PAWR: variants seen among roughly 807,000 people sequenced by gnomAD.
PAWR encodes PRKC apoptosis WT1 regulator protein.
PAWR carries 23 observed loss-of-function variants against 32.0 expected under a neutral mutation model. The observed-to-expected ratio is 0.72, with a 90% CI of 0.52 to 1.02. The LOEUF is 1.02. Among genes scored for constraint, PAWR ranks in the 50% least tolerant of loss-of-function variants. The pLI is 0.00. For synonymous variants in PAWR, 226 were observed against 187.1 expected, an observed-to-expected ratio of 1.21 and a Z score of -1.70; for missense variants, 457 against 437.7, an observed-to-expected ratio of 1.04 and a Z score of -0.39.
At chr12:79,683,229 AC>A (rs1878526814) in intron 2 of PAWR, among the ~76,000 whole-genome samples, 3 of 152,232 alleles carry the variant, frequency 2.0e-5, no homozygotes, top group Admixed American at 2.0e-4. Flanking sequence ...AAAATGTTTA[AC>A]AACCTCATAG....
At chr12:79,684,770 TA>T (rs1878604195) in intron 2 of PAWR, among the ~76,000 whole-genome samples, 1 of 152,254 alleles carries the variant, frequency 6.6e-6, no homozygotes, top group Admixed American at 6.5e-5. Context: ...CTATGTTCTA[TA>T]AATAGGGCTA....
At chr12:79,669,455 T>C (rs887577403) in intron 2 of PAWR, among the ~76,000 whole-genome samples, 1 of 152,126 alleles carries the variant, frequency 6.6e-6, no homozygotes, top group Non-Finnish European at 1.5e-5. Flanking sequence ...ACATATGATT[T>C]TCGTATCTGC....
At position 79,587,812 on chromosome 12, in the gene PAWR, T is replaced by A. The variant is rs200189527; in HGVS notation, c.*4795A>T. On this transcript the variant is annotated 3_prime_UTR_variant, in exon 7 of 7. Transcript: ENST00000328827. The stretch of plus-strand genomic sequence containing the variant: ...ACTGTTGAAAAATAAATGAAAAAAA[T>A]TTTATTGAGTATTACTTTATACATG... 1.3e-5 allele frequency: 2 copies of A among 151,882 alleles called. No individual in the cohort carries two copies. Among genetic ancestry groups the A allele is most frequent in the East Asian group, 1.9e-4 (1 of 5,200 alleles). The allele number at this position is 151,882 out of a possible 1,614,324, so 9.4% of individuals were successfully genotyped here. A position where few individuals can be genotyped will look rare whatever the true frequency, so the allele number is the denominator to read the frequency against.
At chr12:79,622,801 A>T (rs1016081378) in intron 2 of PAWR, among the ~76,000 whole-genome samples, 1 of 152,166 alleles carries the variant, frequency 6.6e-6, no homozygotes, top group Non-Finnish European at 1.5e-5. Context: ...CTGAGTCTAA[A>T]CTGTTCTTGA....
At chr12:79,604,611 C>T (rs984879229) in intron 4 of PAWR, 16 of 1,282,002 alleles carry the variant, frequency 1.2e-5, no homozygotes, top group East Asian at 5.6e-5. Context: ...CCAACAACTA[C>T]TTAACTGGCT....
chr12:79,591,314 TG>T lies in PAWR; in HGVS notation c.*1292del, dbSNP rs1013488831. 1.3e-5 allele frequency: 2 copies of T among 152,190 alleles called. No individual in the cohort carries two copies. The highest frequency in any genetic ancestry group is 2.9e-5 in the Non-Finnish European group (2 of 68,030). 9.4% of individuals were successfully genotyped at this position (152,190 alleles called of 1,614,324 possible). On this transcript the variant is annotated 3_prime_UTR_variant, in exon 7 of 7. Transcript: ENST00000328827. ...TCTAACAGTGAACAATAAAAGGGCT[TG>T]GCAAGTGAAGGAAAAAGTCAGTAGA...
rs769199838 is a variant in PAWR, at chr12:79,621,132, T to C, written c.592A>G (p.Thr198Ala). ...AAGTTTACAGCTTCATTCTGAATAG[T>C]GTTCTGTTGTGTAATTGCATCTTCT... ...KREDAITQQN[T>A]IQNEAVNLLD... The change falls in exon 3 of 7, where the codon ACT (threonine) becomes GCT (alanine). Residue 198 changes from threonine (T) to alanine (A), a missense_variant. Physicochemically the swap from Thr to Ala is moderately conservative, Grantham distance 58. Coordinates refer to ENST00000328827, the MANE Select transcript of PAWR (RefSeq NM_002583.4). 2.5e-6 allele frequency: 4 copies of C among 1,607,954 alleles called. No homozygotes were observed. In the Admixed American group the frequency reaches 5.0e-5, roughly 20 times the overall value.
chr12:79,585,007 T>A lies in PAWR; in HGVS notation c.*7600A>T, dbSNP rs560812506. On this transcript the variant is annotated 3_prime_UTR_variant, in exon 7 of 7. Coordinates refer to ENST00000328827, the MANE Select transcript of PAWR (RefSeq NM_002583.4). The stretch of plus-strand genomic sequence containing the variant: ...TTAACACAGACAAACAATGATTTTA[T>A]TCCATAGTCTCTTGGACTTGAGAAT... 1.4e-4 allele frequency: 40 copies of A among 276,638 alleles called. No individual in the cohort carries two copies. The highest frequency in any genetic ancestry group is 1.2e-3 in the South Asian group (34 of 29,158). The allele number at this position is 276,638 out of a possible 1,614,324, so 17.1% of individuals were successfully genotyped here.
chr12:79,588,886 T>C lies in PAWR; in HGVS notation c.*3721A>G, dbSNP rs368856260. On this transcript the variant is annotated 3_prime_UTR_variant, in exon 7 of 7. Coordinates refer to ENST00000328827, the MANE Select transcript of PAWR (RefSeq NM_002583.4). ...CTGGGAAACAATCAACTTCCATATA[T>C]CCAGGAGAAACTTAGCATGGGGGGA... 6.6e-6 allele frequency: 1 copy of C among 151,954 alleles called. No homozygotes were observed. The highest frequency in any genetic ancestry group is 1.5e-5 in the Non-Finnish European group (1 of 67,870). 9.4% of individuals were successfully genotyped at this position (151,954 alleles called of 1,614,324 possible).
At position 79,689,835 on chromosome 12, in the gene PAWR, C is replaced by G. The variant is rs8176806; in HGVS notation, c.410G>C (p.Gly137Ala). 2.3e-5 allele frequency: 36 copies of G among 1,592,742 alleles called. 1 individual carries two copies. Among genetic ancestry groups the G allele is most frequent in the Admixed American group, 1.0e-4 (6 of 58,022 alleles). The stretch of plus-strand genomic sequence containing the variant: ...CCTGGCACTGGGGCCCGAGCTCTTG[C>G]CCTTCTCTGGGACGCCGTCCGGCTC... ...EEEPDGVPEK[G>A]KSSGPSARKG... is the part of the protein sequence containing the mutation. The change falls in exon 2 of 7, where the codon GGC (glycine) becomes GCC (alanine). Residue 137 changes from glycine (G) to alanine (A), a missense_variant. Transcript: ENST00000328827.
At chr12:79,605,013 G>T (rs1874112951) in intron 4 of PAWR, among the ~76,000 whole-genome samples, 1 of 151,836 alleles carries the variant, frequency 6.6e-6, no homozygotes, top group South Asian at 2.1e-4. Flanking sequence ...CTTTTACAAA[G>T]AATTCTGGCA....
rs950058134 is a variant in PAWR, at chr12:79,590,063, G to T, written c.*2544C>A. Reference sequence around the variant, plus strand: ...AAGTACATATTTTGAGATGGAAGAAGGACTGCATGTGAAATGCTTTGCCTA... The same window carrying T: ...AAGTACATATTTTGAGATGGAAGAATGACTGCATGTGAAATGCTTTGCCTA... On this transcript the variant is annotated 3_prime_UTR_variant, in exon 7 of 7. Coordinates refer to ENST00000328827, the MANE Select transcript of PAWR (RefSeq NM_002583.4). 2 of 152,072 alleles carry T rather than the reference G, an allele frequency of 1.3e-5. No individual in the cohort carries two copies. The highest frequency in any genetic ancestry group is 4.8e-5 in the African/African-American group (2 of 41,396). The allele number at this position is 152,072 out of a possible 1,614,324, so 9.4% of individuals were successfully genotyped here.
Position 79,592,447 on chromosome 12 carries a change from G to A in PAWR, c.*160C>T. On this transcript the variant is annotated 3_prime_UTR_variant, in exon 7 of 7. Coordinates refer to ENST00000328827, the MANE Select transcript of PAWR (RefSeq NM_002583.4). ...ATAATGCTTTTTTAAAACCAATAAT[G>A]AAAAAGAAGTATTTTGAAAACAAAC... is the stretch of plus-strand genomic sequence containing the variant. The A allele has an allele frequency of 2.0e-6, 1 of 508,366 alleles. No homozygotes were observed. The highest frequency in any genetic ancestry group is 3.4e-6 in the Non-Finnish European group (1 of 293,802). 31.5% of individuals were successfully genotyped at this position (508,366 alleles called of 1,614,324 possible). A position where few individuals can be genotyped will look rare whatever the true frequency, so the allele number is the denominator to read the frequency against.
At chr12:79,594,557 C>G in intron 5 of PAWR, 124 bp from the exon 6 acceptor site, 1 of 584,756 alleles carries the variant, frequency 1.7e-6, no homozygotes, top group South Asian at 2.1e-5. Context: ...CAATGAATCC[C>G]TTAAGACATT....
At chr12:79,626,714 A>AT (rs902230775) in intron 2 of PAWR, among the ~76,000 whole-genome samples, 31 of 151,578 alleles carry the variant, frequency 2.0e-4, no homozygotes, top group African/African-American at 7.5e-4. Context: ...AACATTAGGT[A>AT]TATCTCCTAA....
chr12:79,610,090 A>G (rs1051781058), intron 4 of PAWR, among the ~76,000 whole-genome samples: 41 of 152,112 alleles, frequency 2.7e-4, no homozygotes, highest in African/African-American at 8.9e-4. Flanking sequence ...CTGCCACACC[A>G]AAGTGCCTGG....
At chr12:79,605,178 A>G (rs1411809328) in intron 4 of PAWR, among the ~76,000 whole-genome samples, 1 of 152,128 alleles carries the variant, frequency 6.6e-6, no homozygotes, top group East Asian at 1.9e-4. Flanking sequence ...CTGCATTATA[A>G]CTGTTTATAG....
In PAWR at chr12:79,632,326, TATATATATATATATATATATATATATA is replaced by T. The variant is rs1875702777; in HGVS notation, c.517-11146_517-11120del. On this transcript the variant is annotated intron_variant, in intron 2 of 6. Coordinates refer to ENST00000328827, the MANE Select transcript of PAWR (RefSeq NM_002583.4). ...ATATATACATACATATATATATATA[TATATATATATATATATATATATATATA>T]TATATATATTTTTTTTTTTTTTTAG... is the stretch of plus-strand genomic sequence containing the variant. Among the ~76,000 whole-genome samples, 3 of 33,320 alleles carry T rather than the reference TATATATATATATATATATATATATATA, an allele frequency of 9.0e-5. No homozygotes were observed. In the African/African-American group the frequency reaches 1.1e-3, roughly 12 times the overall value. 21.9% of individuals were successfully genotyped at this position (33,320 alleles called of 152,430 possible).
chr12:79,681,392 T>C lies in PAWR; in HGVS notation c.516+8337A>G, dbSNP rs563095010. Among the ~76,000 whole-genome samples, 12 of 152,168 alleles carry C rather than the reference T, an allele frequency of 7.9e-5. No homozygotes were observed. The South Asian group carries it at 2.1e-3, about 26-fold the overall frequency. ...AGAGGATCACTTGAGCCCAGGAGTT[T>C]GAGGCTGAGTCATCACACCATAGTA... On this transcript the variant is annotated intron_variant, in intron 2 of 6. Transcript: ENST00000328827.
Sources: gnomAD v4.1 joint callset for allele counts (sites outside exome capture counted in the v4.1 genomes callset) on GRCh38, gnomAD v4.1.1 for gene constraint, MANE v1.5 for transcripts, NCBI Gene and HGNC (gene_info 2026-07-23, HGNC 2026-07-21) for gene names.